Variants in ABI3BP observed in about 807,000 individuals in gnomAD.
The protein encoded by ABI3BP is target of Nesh-SH3.
ABI3BP carries 216 observed loss-of-function variants against 268.6 expected under a neutral mutation model. The ratio of observed to expected loss-of-function variants is 0.80; its 90% CI spans 0.72 to 0.90. The LOEUF (loss-of-function observed/expected upper bound fraction) is 0.90. Ranked by LOEUF, ABI3BP falls within the 40% of genes least tolerant of loss-of-function variation. The pLI is 0.00. For synonymous variants in ABI3BP, 730 were observed against 730.0 expected (o/e 1.00, Z 0.00); for missense variants, 2,090 against 2,182.4 (o/e 0.96, Z 0.84).
At chr3:100,917,827 C>A (rs1307382078) in intron 2 of ABI3BP, among the ~76,000 whole-genome samples, 7 of 152,028 alleles carry the variant, frequency 4.6e-5, no homozygotes, top group Admixed American at 4.6e-4. Flanking sequence ...GTAGTTGAAT[C>A]CAGTAGAAAA....
At chr3:100,962,004 C>T (rs2153820514) in intron 1 of ABI3BP, among the ~76,000 whole-genome samples, 1 of 152,286 alleles carries the variant, frequency 6.6e-6, no homozygotes, top group African/African-American at 2.4e-5. Flanking sequence ...TGGCACCTGG[C>T]TCCAAGTGGC....
At position 100,840,152 on chromosome 3, in the gene ABI3BP, GTCTTT is replaced by G. The variant is rs1560663819; in HGVS notation, c.1812_1816del (p.Lys605GlnfsTer14). ...GCGGGGGCGACGACCTGGTCTTTTG[GTCTTT>G]CGTGGTGCTGAAGAAAGAAAATTAG... is the stretch of plus-strand genomic sequence containing the variant. On this transcript the variant is annotated frameshift_variant, in exon 23 of 68. Transcript: ENST00000471714. LOFTEE classifies it high-confidence loss of function. The G allele has an allele frequency of 3.9e-6, 6 of 1,532,200 alleles. No homozygotes were observed. Among genetic ancestry groups the G allele is most frequent in the Non-Finnish European group, 5.2e-6 (6 of 1,145,250 alleles). The allele number at this position is 1,532,200 out of a possible 1,614,324, so 94.9% of individuals were successfully genotyped here. A position where few individuals can be genotyped will look rare whatever the true frequency, so the allele number is the denominator to read the frequency against.
At chr3:100,857,304 T>TA (rs1456091937) in intron 14 of ABI3BP, among the ~76,000 whole-genome samples, 6 of 152,210 alleles carry the variant, frequency 3.9e-5, no homozygotes, top group Non-Finnish European at 7.3e-5. Flanking sequence ...GATTTCATTG[T>TA]ATTAAGGAAA....
chr3:100,900,265 C>T (rs1582627398), intron 3 of ABI3BP, among the ~76,000 whole-genome samples: 1 of 152,292 alleles, frequency 6.6e-6, no homozygotes, highest in Non-Finnish European at 1.5e-5. Context: ...TTAGAATCTG[C>T]AGTGAAGGCA....
At chr3:100,975,803 A>G (rs1213750478) in intron 1 of ABI3BP, among the ~76,000 whole-genome samples, 4 of 152,014 alleles carry the variant, frequency 2.6e-5, no homozygotes, top group Non-Finnish European at 1.5e-5. Context: ...ATACTAGTAA[A>G]TAAAAAAACC....
At chr3:100,834,866 G>A in intron 28 of ABI3BP, 93 bp from the exon 29 acceptor site, 1 of 1,204,146 alleles carries the variant, frequency 8.3e-7, no homozygotes, top group Non-Finnish European at 1.1e-6. Flanking sequence ...GTTTTCCTAA[G>A]TCTTGAGAAA....
intron 55 of ABI3BP, among the ~76,000 whole-genome samples, chr3:100,789,857 G>C (rs1560116995): frequency 6.6e-6 from 1 of 151,892 alleles, no homozygotes; most frequent in Non-Finnish European, 1.5e-5. Flanking sequence ...CTGTTCATCT[G>C]TCCATCCATC....
chr3:100,828,386 G>T lies in ABI3BP; in HGVS notation c.2602+7C>A, dbSNP rs1215285109. 3.9e-6 allele frequency: 6 copies of T among 1,532,402 alleles called. No individual in the cohort carries two copies. Among genetic ancestry groups the T allele is most frequent in the African/African-American group, 1.4e-5 (1 of 72,918 alleles). 94.9% of individuals were successfully genotyped at this position (1,532,402 alleles called of 1,614,324 possible). On this transcript the variant is annotated splice_region_variant and intron_variant, in intron 34 of 67. Coordinates refer to ENST00000471714, the MANE Select transcript of ABI3BP (RefSeq NM_001375547.2). The stretch of plus-strand genomic sequence containing the variant: ...AGCACTTGCTGAAGATCAAAAAGTG[G>T]CATTACCGAATGTTGTCCCTGGAGC...
chr3:100,845,719 C>T (rs75097126), intron 20 of ABI3BP, among the ~76,000 whole-genome samples: 7,323 of 151,882 alleles, frequency 0.048, 215 homozygotes, highest in Non-Finnish European at 0.052. Context: ...TTAAAACTGC[C>T]ACATGGATTA....
rs1359055090 is a variant in ABI3BP, at chr3:100,876,563, G to A, written c.697-3C>T. On this transcript the variant is annotated splice_polypyrimidine_tract_variant and splice_region_variant and intron_variant, in intron 6 of 67. Coordinates refer to ENST00000471714, the MANE Select transcript of ABI3BP (RefSeq NM_001375547.2). The stretch of plus-strand genomic sequence containing the variant: ...AGTTTCCTTGGGACATATGCTGGCT[G>A]CAAAGAGAAGAAGAAAGTCAACTTT... 1 of 1,612,468 alleles carries A rather than the reference G, an allele frequency of 6.2e-7. No homozygotes were observed. The highest frequency in any genetic ancestry group is 1.3e-5 in the African/African-American group (1 of 74,838).
At chr3:100,900,530 C>T (rs1319950175) in intron 3 of ABI3BP, among the ~76,000 whole-genome samples, 1 of 152,044 alleles carries the variant, frequency 6.6e-6, no homozygotes, top group Non-Finnish European at 1.5e-5. Context: ...AAAAATAATG[C>T]CATTTAGAGA....
At position 100,775,270 on chromosome 3, in the gene ABI3BP, G is replaced by GAGTTCC. The variant is rs2096667358; in HGVS notation, c.4393_4398dup (p.Gly1465_Thr1466dup). ...ATATCTGTCTCTATTCTCTCCAAGG[G>GAGTTCC]AGTTCCAGTAGGCCTGGGTGTTGAC... On this transcript the variant is annotated inframe_insertion, in exon 60 of 68. Coordinates refer to ENST00000471714, the MANE Select transcript of ABI3BP (RefSeq NM_001375547.2). 5 of 1,610,586 alleles carry GAGTTCC rather than the reference G, an allele frequency of 3.1e-6. No individual in the cohort carries two copies. Among genetic ancestry groups the GAGTTCC allele is most frequent in the Admixed American group, 1.7e-5 (1 of 59,634 alleles).
intron 57 of ABI3BP, among the ~76,000 whole-genome samples, chr3:100,783,776 A>G (rs576224561): frequency 1.2e-4 from 19 of 152,348 alleles, no homozygotes; most frequent in Admixed American, 3.3e-4. Context: ...ACATAGCACA[A>G]TGTGAAACGT....
chr3:100,874,959 A>G (rs1237512623), intron 8 of ABI3BP, 26 bp from the exon 9 acceptor site: 2 of 1,383,102 alleles, frequency 1.4e-6, no homozygotes, highest in African/African-American at 2.8e-5. Context: ...TGTAAATAAG[A>G]TAAGGGGAAG....
At chr3:100,846,318 G>T (rs139802817) in intron 20 of ABI3BP, 54 bp downstream of exon 20, 8 of 1,190,990 alleles carry the variant, frequency 6.7e-6, no homozygotes, top group Non-Finnish European at 9.5e-6. Flanking sequence ...TAATTGCAAA[G>T]AACTTGTTTT....
chr3:100,780,182 C>G lies in ABI3BP; in HGVS notation c.4190G>C (p.Gly1397Ala). ...TGVKQAPRPS[G>A]ADRNVSVDST... The stretch of plus-strand genomic sequence containing the variant: ...GTCCACTGATACATTTCTATCAGCA[C>G]CTGATGGCCTGGGTGCTTGCTTGAC... Residue 1397 changes from glycine (G) to alanine (A), a missense_variant, in exon 58 of 68, where the codon GGT (glycine) becomes GCT (alanine). Physicochemically the swap from Gly to Ala is moderately conservative, Grantham distance 60 (BLOSUM62 0). Coordinates refer to ENST00000471714, the MANE Select transcript of ABI3BP (RefSeq NM_001375547.2). 1.2e-6 allele frequency: 2 copies of G among 1,612,854 alleles called. No individual in the cohort carries two copies. The highest frequency in any genetic ancestry group is 1.7e-6 in the Non-Finnish European group (2 of 1,179,178).
intron 1 of ABI3BP, among the ~76,000 whole-genome samples, chr3:100,955,000 T>C (rs1554202815): frequency 0.77 from 82,956 of 108,310 alleles, 31,764 homozygotes; most frequent in East Asian, 0.91. Flanking sequence ...TTTTTTTTTT[T>C]ACGAATCATA....
chr3:100,847,158 C>G (rs1201962360), intron 19 of ABI3BP, among the ~76,000 whole-genome samples: 1 of 152,044 alleles, frequency 6.6e-6, no homozygotes, highest in Non-Finnish European at 1.5e-5. Flanking sequence ...AAGAAAAAAA[C>G]TACTCTCAAA....
chr3:100,880,758 G>A (rs2099220667), intron 6 of ABI3BP, among the ~76,000 whole-genome samples: 1 of 152,124 alleles, frequency 6.6e-6, no homozygotes, highest in Admixed American at 6.6e-5. Context: ...GTCTCACCCT[G>A]CATTACACTA....
Sources: allele counts gnomAD v4.1 joint callset (sites outside exome capture counted in the v4.1 genomes callset), GRCh38; gene constraint gnomAD v4.1.1; transcripts MANE v1.5; gene names NCBI Gene and HGNC (gene_info 2026-07-23, HGNC 2026-07-21).